PIK3R3: variants seen among roughly 807,000 people sequenced by gnomAD.
The protein encoded by PIK3R3 is phosphatidylinositol 3-kinase regulatory subunit gamma.
A neutral mutation model predicts 62.9 loss-of-function variants in PIK3R3; 64 were observed. The observed-to-expected ratio is 1.02, with a 90% CI of 0.83 to 1.25. The LOEUF is 1.25. Ranked by LOEUF, PIK3R3 falls within the 50% of genes most tolerant of loss-of-function variation. The pLI is 0.00. For missense variants in PIK3R3, 614 were observed against 561.6 expected, an observed-to-expected ratio of 1.09 and a Z score of -0.94; for synonymous variants, 165 against 189.0, an observed-to-expected ratio of 0.87 and a Z score of 1.04.
intron 2 of PIK3R3, among the ~76,000 whole-genome samples, chr1:46,078,769 A>G (rs1467012236): frequency 1.3e-5 from 2 of 152,226 alleles, no homozygotes; most frequent in Non-Finnish European, 2.9e-5. Flanking sequence ...AAAAAAATAT[A>G]TAACATATAC....
chr1:46,100,948 G>T (rs1222484469), intron 1 of PIK3R3, among the ~76,000 whole-genome samples: 1 of 152,002 alleles, frequency 6.6e-6, no homozygotes, highest in Non-Finnish European at 1.5e-5. Context: ...AGCACTTTGG[G>T]AGGCTGAGGT....
intron 4 of PIK3R3, 62 bp from the exon 5 acceptor site, chr1:46,066,241 T>C: frequency 8.4e-7 from 1 of 1,184,024 alleles, no homozygotes; most frequent in East Asian, 2.3e-5. Context: ...GAAATAGATT[T>C]TCCACATCTA....
chr1:46,062,302 G>A (rs939271037), intron 5 of PIK3R3, among the ~76,000 whole-genome samples: 10 of 152,192 alleles, frequency 6.6e-5, no homozygotes, highest in Non-Finnish European at 1.3e-4. Flanking sequence ...TAGGCCAGGC[G>A]TGGTGGCTTA....
chr1:46,135,760 G>A (rs532042262), upstream of PIK3R3, among the ~76,000 whole-genome samples: 10 of 151,754 alleles, frequency 6.6e-5, no homozygotes, highest in East Asian at 3.9e-4. Flanking sequence ...GGCCGGGCAC[G>A]GTGGCTCATG....
chr1:46,151,978 AAACCCCAAAGTCTTATCCTGG>A, the PIK3R3 span, among the ~76,000 whole-genome samples: 2 of 152,216 alleles, frequency 1.3e-5, no homozygotes, highest in Non-Finnish European at 2.9e-5. Context: ...GCAGCTGGGA[AAACCCCAAAGTCTTATCCTGG>A]AACAGCACTA....
chr1:46,066,835 G>T, intron 4 of PIK3R3, 76 bp downstream of exon 4: 1 of 1,158,986 alleles, frequency 8.6e-7, no homozygotes, highest in Non-Finnish European at 1.3e-6. Context: ...AAACTGATAA[G>T]CCTGGTAAAT....
the PIK3R3 span, among the ~76,000 whole-genome samples, chr1:46,171,439 T>G: frequency 1.3e-5 from 2 of 152,100 alleles, no homozygotes; most frequent in Middle Eastern, 3.2e-3. Context: ...AGAGAGCCAG[T>G]GGAGGAACCA....
At chr1:46,144,704 G>A in the PIK3R3 span, among the ~76,000 whole-genome samples, 1 of 148,760 alleles carries the variant, frequency 6.7e-6, no homozygotes, top group Non-Finnish European at 1.5e-5. Flanking sequence ...GGAGGTAGAG[G>A]TTGCAGTGAG....
chr1:46,043,746 A>G lies in PIK3R3; in HGVS notation c.1313T>C (p.Val438Ala). Reference sequence around the variant, plus strand: ...GACGTTGAGGGAGTCGTTGTGCTGAACCAAGGATGTCTGCTGGTAATGGAG... The same window carrying G: ...GACGTTGAGGGAGTCGTTGTGCTGAGCCAAGGATGTCTGCTGGTAATGGAG... ...LVLHYQQTSL[V>A]QHNDSLNVRL... The change falls in exon 10 of 10, where the codon GTT becomes GCT. Residue 438 changes from valine (V) to alanine (A), a missense_variant. Coordinates refer to ENST00000262741, the MANE Select transcript of PIK3R3 (RefSeq NM_003629.4). 6.2e-7 allele frequency: 1 copy of G among 1,614,212 alleles called. No individual in the cohort carries two copies. The highest frequency in any genetic ancestry group is 8.5e-7 in the Non-Finnish European group (1 of 1,180,040).
the PIK3R3 span, among the ~76,000 whole-genome samples, chr1:46,148,603 G>A: frequency 6.6e-6 from 1 of 152,124 alleles, no homozygotes; most frequent in African/African-American, 2.4e-5. Flanking sequence ...GCCACCCTTG[G>A]AAGCAGAGTG....
At chr1:46,046,498 T>C (rs1647119974) in intron 8 of PIK3R3, 53 bp downstream of exon 8, 2 of 1,130,022 alleles carry the variant, frequency 1.8e-6, no homozygotes, top group Non-Finnish European at 2.7e-6. Context: ...ACAAGGCGCA[T>C]GTCTTATATT....
chr1:46,156,213 T>C, the PIK3R3 span, among the ~76,000 whole-genome samples: 1 of 152,120 alleles, frequency 6.6e-6, no homozygotes, highest in African/African-American at 2.4e-5. Context: ...TAGGAATTCA[T>C]TGCTGGCTGG....
At chr1:46,083,146 C>A (rs1650759205) in intron 1 of PIK3R3, among the ~76,000 whole-genome samples, 1 of 152,048 alleles carries the variant, frequency 6.6e-6, no homozygotes, top group African/African-American at 2.4e-5. Context: ...CAAAATAATT[C>A]AATGAGGGAA....
chr1:46,111,322 A>C (rs2149454933), intron 1 of PIK3R3, among the ~76,000 whole-genome samples: 1 of 152,272 alleles, frequency 6.6e-6, no homozygotes, highest in African/African-American at 2.4e-5. Context: ...TCTTCTAACA[A>C]TACTTCTTCC....
chr1:46,074,165 C>T (rs950823936), intron 3 of PIK3R3, among the ~76,000 whole-genome samples: 2 of 150,642 alleles, frequency 1.3e-5, no homozygotes, highest in African/African-American at 4.9e-5. Flanking sequence ...TGGCGGGCGC[C>T]TGTAGTCCCA....
At chr1:46,174,022 C>T in the PIK3R3 span, among the ~76,000 whole-genome samples, 5 of 152,052 alleles carry the variant, frequency 3.3e-5, no homozygotes, top group Non-Finnish European at 7.4e-5. Flanking sequence ...CATCTGGGTG[C>T]TTGTGTGCTT....
the PIK3R3 span, among the ~76,000 whole-genome samples, chr1:46,163,989 A>G: frequency 6.6e-6 from 1 of 152,138 alleles, no homozygotes; most frequent in African/African-American, 2.4e-5. Context: ...GGACCAGCCC[A>G]GTGGTAGCAG....
At chr1:46,066,242 T>A (rs1197672758) in intron 4 of PIK3R3, 63 bp from the exon 5 acceptor site, 11 of 1,174,740 alleles carry the variant, frequency 9.4e-6, no homozygotes, top group Non-Finnish European at 1.3e-5. Context: ...AAATAGATTT[T>A]CCACATCTAT....
rs769236208 is a variant in PIK3R3 at position 46,066,894 on chromosome 1, G to A, written c.495+17C>T. On this transcript the variant is annotated intron_variant, in intron 4 of 9. Transcript: ENST00000262741. ...AATCACTTGCTCAATAGCTAGCAAG[G>A]ATTTCCATAATCATACCTGTTGGTA... is the stretch of plus-strand genomic sequence containing the variant. 3 of 1,595,516 alleles carry A rather than the reference G, an allele frequency of 1.9e-6. No homozygotes were observed. In the African/African-American group the frequency reaches 4.0e-5, roughly 21 times the overall value.
Sources: gnomAD v4.1 joint callset for allele counts (sites outside exome capture counted in the v4.1 genomes callset) on GRCh38, gnomAD v4.1.1 for gene constraint, MANE v1.5 for transcripts, NCBI Gene and HGNC (gene_info 2026-07-23, HGNC 2026-07-21) for gene names.